The following KPTN variants were observed in gnomAD, a reference collection of about 807,000 sequenced individuals.
KPTN encodes the protein KICSTOR complex protein kaptin.
In KPTN, 36 loss-of-function variants were observed where a neutral mutation model predicts 52.6. That is an observed-to-expected ratio of 0.68 (90% CI 0.52 to 0.90). The LOEUF (loss-of-function observed/expected upper bound fraction) is 0.90, where lower values mean the gene tolerates loss of function less well. KPTN is among the 40% of genes least tolerant of loss of function. KPTN has a pLI of 0.00. For missense variants in KPTN, 529 were observed against 576.2 expected (o/e 0.92, Z 0.84); for synonymous variants, 271 against 248.4 (o/e 1.09, Z -0.85).
chr19:47,476,234 G>C, intron 11 of KPTN: 2 of 206,666 alleles, frequency 9.7e-6, no homozygotes, highest in Non-Finnish European at 1.9e-5. Flanking sequence ...GTTTGAACCT[G>C]GGAGGTGGAG....
At chr19:47,483,444 G>A in intron 2 of KPTN, 58 bp downstream of exon 2, 1 of 1,594,424 alleles carries the variant, frequency 6.3e-7, no homozygotes, top group Non-Finnish European at 8.6e-7. Flanking sequence ...GCGGCTCAGT[G>A]GAACTCACCA....
Position 47,479,869 on chromosome 19 carries a change from C to A in KPTN, c.781G>T (p.Ala261Ser). The A allele has an allele frequency of 1.2e-6, 2 of 1,612,812 alleles. No homozygotes were observed. Among genetic ancestry groups the A allele is most frequent in the Non-Finnish European group, 1.7e-6 (2 of 1,179,266 alleles). Reference sequence around the variant, plus strand: ...CCTCAAACCCAGAGCTCACCCTTGGCGGCCGAGAGGCTGAACACAATCACT... The same window carrying A: ...CCTCAAACCCAGAGCTCACCCTTGGAGGCCGAGAGGCTGAACACAATCACT... ...SRVIVFSLSA[A>S]KETKDRPLQD... Residue 261 changes from alanine to serine, a missense_variant, in exon 8 of 12, where the codon GCC (alanine) becomes TCC (serine). Transcript: ENST00000338134.
rs1168080673 is a variant in KPTN at position 47,475,517 on chromosome 19, C to T, written c.1210G>A (p.Val404Ile). 2 of 1,613,154 alleles carry T rather than the reference C, an allele frequency of 1.2e-6. No individual in the cohort carries two copies. The highest frequency in any genetic ancestry group is 2.2e-5 in the South Asian group (2 of 91,036). The change falls in exon 12 of 12, where the codon GTC becomes ATC. Residue 404 changes from valine (V) to isoleucine (I), a missense_variant. Val to Ile is a conservative substitution (Grantham distance 29). Transcript: ENST00000338134. ...QHSLIQASEL[V>I]LTRLRHQVEQ... is the part of the protein sequence containing the mutation. The stretch of plus-strand genomic sequence containing the variant: ...ACTTGATGTCGAAGCCGGGTCAAGA[C>T]CAGCTCTGAGGCCTGAATCAGGCTG...
intron 2 of KPTN, 22 bp downstream of exon 2, chr19:47,483,480 A>G (rs1344100626): frequency 1.3e-6 from 2 of 1,599,944 alleles, no homozygotes; most frequent in South Asian, 2.2e-5. Context: ...GGGCGAAGGG[A>G]GGTGGAGGGG....
In KPTN at chr19:47,477,788, A is replaced by G; in HGVS notation, c.788-7T>C. ...AGTGGCCTGTCCTTGGTCTCTGGAG[A>G]AGAAACATGAATGGTAATCCCAGCA... On this transcript the variant is annotated splice_polypyrimidine_tract_variant and splice_region_variant and intron_variant, in intron 8 of 11. Coordinates refer to ENST00000338134, the MANE Select transcript of KPTN (RefSeq NM_007059.4). The G allele has an allele frequency of 6.2e-7, 1 of 1,609,744 alleles. No individual in the cohort carries two copies. The highest frequency in any genetic ancestry group is 8.5e-7 in the Non-Finnish European group (1 of 1,176,470).
intron 9 of KPTN, 138 bp downstream of exon 9, chr19:47,477,568 C>T (rs1967714921): frequency 3.1e-6 from 2 of 636,702 alleles, no homozygotes; most frequent in Non-Finnish European, 5.7e-6. Context: ...ACAGCCCCCA[C>T]CCCTGGGTCA....
At chr19:47,478,559 ACT>A (rs1203345722) in intron 8 of KPTN, among the ~76,000 whole-genome samples, 1 of 143,536 alleles carries the variant, frequency 7.0e-6, no homozygotes, top group Non-Finnish European at 1.5e-5. Context: ...CCTGACCAAG[ACT>A]CTGTCTAAAA....
rs781132082 is a variant in KPTN at position 47,475,459 on chromosome 19, T to C, written c.1268A>G (p.Glu423Gly). Residue 423 changes from glutamate to glycine, a missense_variant, in exon 12 of 12, where the codon GAG becomes GGG. Transcript: ENST00000338134. Reference sequence around the variant, plus strand: ...AGCAGGCCCTGCACCTGCCCCGTCCTCCAACCCCTGTAGCCGACGTCTCCT... The same window carrying C: ...AGCAGGCCCTGCACCTGCCCCGTCCCCCAACCCCTGTAGCCGACGTCTCCT... Reference protein sequence around the residue: ...EQRRRRLQGLEDGAGAGPAEN... With the variant: ...EQRRRRLQGLGDGAGAGPAEN... 5.0e-5 allele frequency: 80 copies of C among 1,613,294 alleles called. No individual in the cohort carries two copies. The highest frequency in any genetic ancestry group is 1.2e-4 in the Admixed American group (7 of 59,946).
rs770213802 is a variant in KPTN, at chr19:47,475,391, C to G, written c.*25G>C. On this transcript the variant is annotated 3_prime_UTR_variant, in exon 12 of 12. Transcript: ENST00000338134. ...GAGCACGCCATGAGTCGCCCCAGGT[C>G]TGGGAAGAGTGGGTGCATGGGTGCT... is the stretch of plus-strand genomic sequence containing the variant. 9.4e-5 allele frequency: 152 copies of G among 1,608,848 alleles called. No homozygotes were observed. The highest frequency in any genetic ancestry group is 1.2e-4 in the Non-Finnish European group (136 of 1,176,888).
intron 1 of KPTN, 99 bp downstream of exon 1, chr19:47,483,836 C>T: frequency 1.3e-6 from 2 of 1,513,112 alleles, no homozygotes; most frequent in Non-Finnish European, 1.8e-6. Context: ...CACCTGATCC[C>T]ATTCTTCCAG....
chr19:47,478,744 C>T (rs1967764713), intron 8 of KPTN, among the ~76,000 whole-genome samples: 1 of 152,108 alleles, frequency 6.6e-6, no homozygotes, highest in African/African-American at 2.4e-5. Context: ...TCTTTTGCAG[C>T]AACTTAGATG....
At position 47,475,195 on chromosome 19, in the gene KPTN, C is replaced by T. The variant is rs1967620131; in HGVS notation, c.*221G>A. 6.5e-6 allele frequency: 3 copies of T among 459,472 alleles called. No homozygotes were observed. Among genetic ancestry groups the T allele is most frequent in the Non-Finnish European group, 1.2e-5 (3 of 251,450 alleles). The allele number at this position is 459,472 out of a possible 1,614,324, so 28.5% of individuals were successfully genotyped here. On this transcript the variant is annotated 3_prime_UTR_variant, in exon 12 of 12. Coordinates refer to ENST00000338134, the MANE Select transcript of KPTN (RefSeq NM_007059.4). ...AAATAACCATCAGGTGGCCAATTCT[C>T]ATCCAGAGTGGACAGGGTGGAATGG... is the stretch of plus-strand genomic sequence containing the variant.
chr19:47,480,969 G>A lies in KPTN; in HGVS notation c.514C>T (p.Leu172Phe), dbSNP rs866962797. The change falls in exon 5 of 12, where the codon CTC (leucine) becomes TTC (phenylalanine). Residue 172 changes from leucine to phenylalanine, a missense_variant. Transcript: ENST00000338134. The stretch of plus-strand genomic sequence containing the variant: ...CCGCCCCACCTCACCTCCTTGTAGA[G>A]ATGAATGGCCGGGTCGTTCCCACTC... ...LLSGNDPAIHLYKENEGLHQF... is the reference protein window; with the variant it reads ...LLSGNDPAIHFYKENEGLHQF... 6.2e-7 allele frequency: 1 copy of A among 1,607,582 alleles called. No homozygotes were observed. Among genetic ancestry groups the A allele is most frequent in the African/African-American group, 1.3e-5 (1 of 74,758 alleles).
intron 4 of KPTN, among the ~76,000 whole-genome samples, chr19:47,482,168 G>C (rs1967897994): frequency 6.6e-6 from 1 of 152,138 alleles, no homozygotes; most frequent in Non-Finnish European, 1.5e-5. Context: ...TGGCCCCTTG[G>C]CCATCCGGTC....
At position 47,476,500 on chromosome 19, in the gene KPTN, G is replaced by A. The variant is rs200373717; in HGVS notation, c.1182+32C>T. ...CCCCCTGCTCGAAACTGCTGAGGTC[G>A]ACTCCCCTCCCACCCCAAGAGCTGG... On this transcript the variant is annotated intron_variant, in intron 11 of 11. Coordinates refer to ENST00000338134, the MANE Select transcript of KPTN (RefSeq NM_007059.4). The A allele has an allele frequency of 4.9e-3, 7,635 of 1,564,146 alleles. 25 individuals carry two copies. The highest frequency in any genetic ancestry group is 5.7e-3 in the Non-Finnish European group (6,550 of 1,152,242).
chr19:47,477,740 C>T lies in KPTN; in HGVS notation c.829G>A (p.Val277Met), dbSNP rs764824415. 46 of 1,613,644 alleles carry T rather than the reference C, an allele frequency of 2.9e-5. No individual in the cohort carries two copies. The highest frequency in any genetic ancestry group is 3.6e-5 in the Non-Finnish European group (43 of 1,179,736). The stretch of plus-strand genomic sequence containing the variant: ...ACTGCTGGCTCCAACATGCTGGCCA[C>T]GAGCACGCTGTACTCATCTTGTAGT... ...RPLQDEYSVL[V>M]ASMLEPAVVY... Residue 277 changes from valine (V) to methionine (M), a missense_variant, in exon 9 of 12, where the codon GTG becomes ATG. Coordinates refer to ENST00000338134, the MANE Select transcript of KPTN (RefSeq NM_007059.4).
chr19:47,483,082 G>C (rs1404216680), intron 4 of KPTN, 79 bp downstream of exon 4: 2 of 1,336,022 alleles, frequency 1.5e-6, no homozygotes, highest in Admixed American at 1.7e-5. Context: ...ACAGGGGTCT[G>C]TAAGTAAAGA....
In KPTN at chr19:47,484,061, C is replaced by T. The variant is rs2122704806; in HGVS notation, c.100G>A (p.Gly34Ser). 1.2e-6 allele frequency: 2 copies of T among 1,610,494 alleles called. No individual in the cohort carries two copies. The highest frequency in any genetic ancestry group is 1.7e-6 in the Non-Finnish European group (2 of 1,179,784). ...AGCAGCTCCCCGCGCCCGCCGGCGC[C>T]GCCTGCCAGCCCGTACACATTGCTC... ...SQSNVYGLAG[G>S]AGGRGELLAA... is the part of the protein sequence containing the mutation. The change falls in exon 1 of 12, where the codon GGC (glycine) becomes AGC (serine). Residue 34 changes from glycine (G) to serine (S), a missense_variant. Gly to Ser is a moderately conservative substitution (Grantham distance 56). Coordinates refer to ENST00000338134, the MANE Select transcript of KPTN (RefSeq NM_007059.4).
rs1967620556 is a variant in KPTN at position 47,475,203 on chromosome 19, G to A, written c.*213C>T. 2.1e-6 allele frequency: 1 copy of A among 477,268 alleles called. No homozygotes were observed. Among genetic ancestry groups the A allele is most frequent in the South Asian group, 2.7e-5 (1 of 37,122 alleles). 29.6% of individuals were successfully genotyped at this position (477,268 alleles called of 1,614,324 possible). A position where few individuals can be genotyped will look rare whatever the true frequency, so the allele number is the denominator to read the frequency against. On this transcript the variant is annotated 3_prime_UTR_variant, in exon 12 of 12. Transcript: ENST00000338134. ...ATCAGGTGGCCAATTCTCATCCAGA[G>A]TGGACAGGGTGGAATGGGATCATCC...
Sources: gnomAD v4.1 joint callset for allele counts (sites outside exome capture counted in the v4.1 genomes callset) on GRCh38, gnomAD v4.1.1 for gene constraint, MANE v1.5 for transcripts, NCBI Gene and HGNC (gene_info 2026-07-23, HGNC 2026-07-21) for gene names.